LTBP4: variants seen among roughly 807,000 people sequenced by gnomAD.
LTBP4 encodes the protein latent-transforming growth factor beta-binding protein 4.
In LTBP4, 93 loss-of-function variants were observed where a neutral mutation model predicts 180.2. That is an observed-to-expected ratio of 0.52 (90% confidence interval 0.44 to 0.61). The LOEUF is 0.61. Ranked by LOEUF, LTBP4 falls within the 20% of genes least tolerant of loss-of-function variation. The pLI is 0.00. For missense variants in LTBP4, 2,116 were observed against 2,256.5 expected (o/e 0.94, Z 1.26); for synonymous variants, 947 against 934.5 (o/e 1.01, Z -0.24).
At chr19:40,607,704 C>T (rs1309590001) in intron 7 of LTBP4, among the ~76,000 whole-genome samples, 175 bp downstream of exon 7, 1 of 152,240 alleles carries the variant, frequency 6.6e-6, no homozygotes, top group African/African-American at 2.4e-5. Flanking sequence ...CATGGCTCCA[C>T]CTCCATCTGT....
Position 40,609,634 on chromosome 19 carries a change from C to T in LTBP4, c.1531C>T (p.Leu511Phe). The change falls in exon 10 of 30, where the codon CTC becomes TTC. Residue 511 changes from leucine to phenylalanine, a missense_variant. This residue lies in a region of LTBP4 where 877 missense variants were observed against 873.6 expected (regional missense o/e 1.00). Transcript: ENST00000396819. This position sits in a 1 kb window ranked among gnomAD's most constrained non-coding sequence, Gnocchi z 4.9. ...YTCACDSGFR[L>F]SPQGTRCIDV... is the part of the protein sequence containing the mutation. ...CTGCGCTTGCGACTCTGGCTTCCGGCTCAGCCCCCAGGGCACCCGATGCAT... is the reference window on the plus strand; with the variant it reads ...CTGCGCTTGCGACTCTGGCTTCCGGTTCAGCCCCCAGGGCACCCGATGCAT... 2.5e-6 allele frequency: 4 copies of T among 1,613,292 alleles called. No homozygotes were observed. The South Asian group carries it at 4.4e-5, about 18-fold the overall frequency.
chr19:40,621,583 T>C (rs899628864), intron 22 of LTBP4, among the ~76,000 whole-genome samples: 1 of 151,906 alleles, frequency 6.6e-6, no homozygotes, highest in Non-Finnish European at 1.5e-5. Context: ...GGCTGGGAGC[T>C]CAGGGAACAG....
chr19:40,604,001 C>T (rs1324995820), intron 1 of LTBP4, among the ~76,000 whole-genome samples: 2 of 152,402 alleles, frequency 1.3e-5, no homozygotes, highest in South Asian at 2.1e-4. Context: ...CCGCTCGTGG[C>T]TCCGCCCCGG....
exon 1 of LTBP4, chr19:40,593,176 T>C: frequency 6.2e-7 from 1 of 1,613,894 alleles, no homozygotes; most frequent in Non-Finnish European, 8.5e-7. Flanking sequence ...ATGGGAGACG[T>C]AAAAGGTGAG....
chr19:40,623,829 T>C, intron 25 of LTBP4, 97 bp downstream of exon 25: 2 of 1,598,516 alleles, frequency 1.3e-6, no homozygotes, highest in Non-Finnish European at 1.7e-6. Flanking sequence ...CGGGAAGTCT[T>C]TCCTGGAGTC....
Position 40,601,486 on chromosome 19 carries a change from C to A in LTBP4, c.99C>A (p.Arg33=), listed in dbSNP as rs1437554042. 10 of 1,494,704 alleles carry A rather than the reference C, an allele frequency of 6.7e-6. No homozygotes were observed. Among genetic ancestry groups the A allele is most frequent in the Non-Finnish European group, 8.9e-6 (10 of 1,128,786 alleles). The allele number at this position is 1,494,704 out of a possible 1,614,324, so 92.6% of individuals were successfully genotyped here. Residue 33 remains arginine (R), a synonymous_variant, in exon 1 of 30, where the codon CGC becomes CGA. Coordinates refer to ENST00000396819, the MANE Select transcript of LTBP4 (RefSeq NM_001042545.2). Reference sequence around the variant, plus strand: ...TGGGCCGGCTCGGAGAGCGTCTCCGCGTGCGCTTCACCCCGGTCGTGTGCG... The same window carrying A: ...TGGGCCGGCTCGGAGAGCGTCTCCGAGTGCGCTTCACCCCGGTCGTGTGCG... ...PGLGRLGERL[R]VRFTPVVCGL... is the part of the protein sequence containing the mutation.
At chr19:40,598,136 C>T (rs970114571), upstream of LTBP4, among the ~76,000 whole-genome samples, 2 of 142,688 alleles carry the variant, frequency 1.4e-5, no homozygotes, top group Admixed American at 1.4e-4. Context: ...CCCCGCCTGG[C>T]GGCCCAGCGC....
upstream of LTBP4, chr19:40,601,348 G>C (rs1443990176): frequency 9.3e-7 from 1 of 1,074,374 alleles, no homozygotes; most frequent in Non-Finnish European, 1.1e-6. Context: ...CCCCTCGGGC[G>C]GGCTGGGGCG....
In LTBP4 at chr19:40,625,888, G is replaced by T. The variant is rs35346543; in HGVS notation, c.3864G>T (p.Val1288=). 1.7e-5 allele frequency: 27 copies of T among 1,597,394 alleles called. No individual in the cohort carries two copies. Among genetic ancestry groups the T allele is most frequent in the Middle Eastern group, 1.7e-4 (1 of 6,034 alleles). ...ATCTGGGAGTGTGCTGGCAGGAAGT[G>T]GGGGCTGACCTCGTGTGCAGCCACC... ...DDNLGVCWQE[V]GADLVCSHPR... The change falls in exon 27 of 30, where the codon GTG becomes GTT. Residue 1288 remains valine (V), a synonymous_variant. Transcript: ENST00000396819.
rs2146024967 is a variant in LTBP4, at chr19:40,608,334, C to T, written c.1271C>T (p.Pro424Leu). 9.9e-6 allele frequency: 16 copies of T among 1,613,680 alleles called. No homozygotes were observed. Among genetic ancestry groups the T allele is most frequent in the Non-Finnish European group, 1.4e-5 (16 of 1,179,828 alleles). ...CCACCCCGAGTGTCACTCAGCCAGC[C>T]TCGTACCCTGCCAGCCACCTCTCGG... The part of the protein sequence containing the change: ...QEPPRVSLSQ[P>L]RTLPATSRPS... Residue 424 changes from proline (P) to leucine (L), a missense_variant, in exon 8 of 30, where the codon CCT becomes CTT. Around this residue, in one of 5 missense-constraint regions of LTBP4, gnomAD observed 877 missense variants for 873.6 expected, o/e 1.00. Coordinates refer to ENST00000396819, the MANE Select transcript of LTBP4 (RefSeq NM_001042545.2).
Position 40,613,977 on chromosome 19 carries a change from C to T in LTBP4, c.2619C>T (p.Gly873=), listed in dbSNP as rs1341931505. The change falls in exon 18 of 30, where the codon GGC becomes GGT. Residue 873 remains glycine (G), a synonymous_variant. Transcript: ENST00000396819. The surrounding 1 kb of genome is among the most constrained non-coding windows in gnomAD (Gnocchi z 5.0). ...CQSGICTNTD[G]SFECICPPGH... ...GCGGCATCTGTACCAACACCGACGG[C>T]TCCTTCGAGTGCATCTGTCCTCCGG... 1.2e-5 allele frequency: 19 copies of T among 1,613,726 alleles called. No individual in the cohort carries two copies. The highest frequency in any genetic ancestry group is 1.6e-5 in the Non-Finnish European group (19 of 1,179,834).
In LTBP4 at chr19:40,613,683, AG is replaced by A. The variant is rs1484327345; in HGVS notation, c.2557+161del. 14 of 1,191,670 alleles carry A rather than the reference AG, an allele frequency of 1.2e-5. No individual in the cohort carries two copies. The highest frequency in any genetic ancestry group is 2.6e-5 in the East Asian group (1 of 38,078). The allele number at this position is 1,191,670 out of a possible 1,614,324, so 73.8% of individuals were successfully genotyped here. A position where few individuals can be genotyped will look rare whatever the true frequency, so the allele number is the denominator to read the frequency against. On this transcript the variant is annotated intron_variant, in intron 17 of 29. Coordinates refer to ENST00000396819, the MANE Select transcript of LTBP4 (RefSeq NM_001042545.2). The surrounding 1 kb of genome is among the most constrained non-coding windows in gnomAD (Gnocchi z 5.0). ...AGCTGGTGGGAGTCTCGAGGCAGTG[AG>A]GGGGGGCGGGGCGTGGAGATGAAAG...
intron 29 of LTBP4, 39 bp downstream of exon 29, chr19:40,627,896 C>G: frequency 6.5e-7 from 1 of 1,535,006 alleles, no homozygotes; most frequent in Non-Finnish European, 8.7e-7. Context: ...CAGGGAGAGG[C>G]GAGGCTTGTC....
intron 27 of LTBP4, 95 bp from the exon 28 acceptor site, chr19:40,626,880 A>G (rs1403651348): frequency 1.7e-5 from 24 of 1,415,774 alleles, no homozygotes; most frequent in African/African-American, 2.9e-5. Context: ...GACCCTCCCC[A>G]TCCAGTCCTC....
At chr19:40,612,243 C>A (rs1346077723) in intron 15 of LTBP4, 51 bp downstream of exon 15, 2 of 1,530,632 alleles carry the variant, frequency 1.3e-6, no homozygotes, top group Non-Finnish European at 1.8e-6. Context: ...GACCCCCGAC[C>A]CTTGACCCAG....
chr19:40,610,475 C>T, intron 11 of LTBP4, 57 bp from the exon 12 acceptor site: 2 of 1,540,880 alleles, frequency 1.3e-6, no homozygotes, highest in Non-Finnish European at 1.7e-6. Context: ...TGCCTCCTTG[C>T]GTCGCTTCTC....
At position 40,607,536 on chromosome 19, in the gene LTBP4, C is replaced by G; in HGVS notation, c.1156+7C>G. 6.2e-7 allele frequency: 1 copy of G among 1,604,922 alleles called. No homozygotes were observed. The highest frequency in any genetic ancestry group is 8.5e-7 in the Non-Finnish European group (1 of 1,176,168). On this transcript the variant is annotated splice_region_variant and intron_variant, in intron 7 of 29. Transcript: ENST00000396819. ...TGCCCACCCTTCGGCTCAGGTGAGC[C>G]CCTGCGGCAGTGCCTAGCCCTACGC...
In LTBP4 at chr19:40,613,590, A is replaced by G; in HGVS notation, c.2557+61A>G. 2 of 1,543,318 alleles carry G rather than the reference A, an allele frequency of 1.3e-6. No individual in the cohort carries two copies. Among genetic ancestry groups the G allele is most frequent in the Non-Finnish European group, 1.7e-6 (2 of 1,147,738 alleles). ...TGGGCTTAGGGCAGGAAAAGGCGGG[A>G]CGGGGAGAAGAGGGCGAAAAGGGGA... On this transcript the variant is annotated intron_variant, in intron 17 of 29. Transcript: ENST00000396819. The surrounding 1 kb of genome is among the most constrained non-coding windows in gnomAD (Gnocchi z 5.0).
Position 40,612,135 on chromosome 19 carries a change from T to C in LTBP4, c.2242T>C (p.Ser748Pro). ...GCAGGAGTGTGTGAACTCGCCCGGC[T>C]CCTTCCAGTGCAGGACCTGTCCTTC... ...PGQECVNSPGSFQCRTCPSGH... is the reference protein window; with the variant it reads ...PGQECVNSPGPFQCRTCPSGH... The change falls in exon 15 of 30, where the codon TCC becomes CCC. Residue 748 changes from serine to proline, a missense_variant. By Grantham distance (74) the Ser-to-Pro change is moderately conservative. Around this residue, in one of 5 missense-constraint regions of LTBP4, gnomAD observed 877 missense variants for 873.6 expected, o/e 1.00. Transcript: ENST00000396819. 6.2e-7 allele frequency: 1 copy of C among 1,613,346 alleles called. No individual in the cohort carries two copies. The highest frequency in any genetic ancestry group is 1.1e-5 in the South Asian group (1 of 90,854).
Sources: gnomAD v4.1 joint callset for allele counts (sites outside exome capture counted in the v4.1 genomes callset) on GRCh38, gnomAD v4.1.1 for gene constraint, gnomAD v4.1.1 regional missense constraint, Gnocchi (gnomAD v3.1) non-coding constraint, MANE v1.5 for transcripts, NCBI Gene and HGNC (gene_info 2026-07-23, HGNC 2026-07-21) for gene names.